The following KAT2B variants were observed in gnomAD, a reference collection of about 807,000 sequenced individuals.
KAT2B encodes the protein histone acetyltransferase KAT2B.
A neutral mutation model predicts 105.9 loss-of-function variants in KAT2B; 36 were observed. The ratio of observed to expected loss-of-function variants is 0.34; its 90% confidence interval spans 0.26 to 0.45. The LOEUF is 0.45. KAT2B is among the 20% of genes least tolerant of loss of function. The pLI, the probability that KAT2B is intolerant of heterozygous loss-of-function variation, is 1.00. For missense variants in KAT2B, 820 were observed against 1,021.6 expected, an observed-to-expected ratio of 0.80 and a Z score of 2.69; for synonymous variants, 397 against 377.9, an observed-to-expected ratio of 1.05 and a Z score of -0.59.
intron 2 of KAT2B, among the ~76,000 whole-genome samples, chr3:20,085,988 G>A (rs1236872980): frequency 6.6e-6 from 1 of 151,952 alleles, no homozygotes; most frequent in Non-Finnish European, 1.5e-5. Flanking sequence ...ATGCTGTTTT[G>A]AGCTGGGCAT....
chr3:20,150,130 G>A (rs1034171719), intron 17 of KAT2B, among the ~76,000 whole-genome samples: 9 of 152,320 alleles, frequency 5.9e-5, no homozygotes, highest in Middle Eastern at 3.4e-3. Context: ...TCTCACAAGG[G>A]GGGAAACTGA....
At chr3:20,114,368 A>G (rs1279491576) in intron 6 of KAT2B, among the ~76,000 whole-genome samples, 1 of 152,228 alleles carries the variant, frequency 6.6e-6, no homozygotes, top group Non-Finnish European at 1.5e-5. Flanking sequence ...AAGTGAGTTA[A>G]TATACATCAA....
At chr3:20,152,144 C>A (rs991398334) in intron 17 of KAT2B, among the ~76,000 whole-genome samples, 188 bp from the exon 18 acceptor site, 11 of 152,042 alleles carry the variant, frequency 7.2e-5, no homozygotes, top group Non-Finnish European at 5.9e-5. Flanking sequence ...TTTTAAAAAA[C>A]CCACAAAAGA....
intron 1 of KAT2B, among the ~76,000 whole-genome samples, chr3:20,047,727 C>T (rs555173803): frequency 8.8e-4 from 134 of 151,702 alleles, no homozygotes; most frequent in African/African-American, 3.1e-3. Flanking sequence ...ATTTGCCTGC[C>T]TCAGCCTCCT....
chr3:20,114,325 T>C (rs985094135), intron 6 of KAT2B, among the ~76,000 whole-genome samples: 1 of 152,202 alleles, frequency 6.6e-6, no homozygotes, highest in African/African-American at 2.4e-5. Flanking sequence ...GAAATGGGTA[T>C]GAATTTTATC....
chr3:20,128,478 G>A (rs1425179500), intron 11 of KAT2B, among the ~76,000 whole-genome samples: 1 of 151,366 alleles, frequency 6.6e-6, no homozygotes, highest in African/African-American at 2.4e-5. Context: ...GTGTTGGAGT[G>A]TCTTTTTGTT....
chr3:20,139,715 A>G (rs1375084899), intron 12 of KAT2B, among the ~76,000 whole-genome samples: 1 of 152,134 alleles, frequency 6.6e-6, no homozygotes, highest in Non-Finnish European at 1.5e-5. Flanking sequence ...CATTGAAACA[A>G]CCACACATTG....
At chr3:20,142,873 GTATC>G (rs1699717352) in intron 13 of KAT2B, among the ~76,000 whole-genome samples, 1 of 139,318 alleles carries the variant, frequency 7.2e-6, no homozygotes. Context: ...GCATAATTGG[GTATC>G]TATGTGCCTG....
intron 3 of KAT2B, among the ~76,000 whole-genome samples, chr3:20,096,325 C>G (rs1011060592): frequency 5.3e-5 from 8 of 152,142 alleles, no homozygotes. Context: ...CCATTCCCTA[C>G]TATAGACATA....
At chr3:20,067,613 A>G (rs1449944001) in intron 1 of KAT2B, among the ~76,000 whole-genome samples, 1 of 152,214 alleles carries the variant, frequency 6.6e-6, no homozygotes, top group Non-Finnish European at 1.5e-5. Flanking sequence ...GCAGAGTTTT[A>G]TAAGCAAGCC....
In KAT2B at chr3:20,126,003, C is replaced by A. The variant is rs778374040; in HGVS notation, c.1512C>A (p.Asn504Lys). 3 of 1,614,072 alleles carry A rather than the reference C, an allele frequency of 1.9e-6. No homozygotes were observed. In the African/African-American group the frequency reaches 4.0e-5, roughly 22 times the overall value. ...IEFHVVGNSL[N>K]QKPNKKILMW... ...TTCACGTGGTTGGCAATTCCCTCAA[C>A]CAGAAACCAAACAAGAAGATCCTGA... Residue 504 changes from asparagine (N) to lysine (K), a missense_variant, in exon 10 of 18, where the codon AAC becomes AAA. By Grantham distance (94) the Asn-to-Lys change is moderately conservative (BLOSUM62 0). Around this residue, in one of 6 missense-constraint regions of KAT2B, gnomAD observed 225 missense variants for 268.1 expected, o/e 0.84. Transcript: ENST00000263754.
intron 2 of KAT2B, among the ~76,000 whole-genome samples, chr3:20,091,021 G>A (rs1297016805): frequency 1.3e-5 from 2 of 152,082 alleles, no homozygotes; most frequent in Non-Finnish European, 2.9e-5. Context: ...TGAAGTGCTG[G>A]GATTATAGGC....
intron 17 of KAT2B, among the ~76,000 whole-genome samples, chr3:20,150,975 A>G (rs1042280514): frequency 1.3e-5 from 2 of 152,208 alleles, no homozygotes; most frequent in African/African-American, 4.8e-5. Flanking sequence ...GAAAAGTGAA[A>G]GGAATGTAAA....
At chr3:20,066,366 T>G (rs1174096298) in intron 1 of KAT2B, among the ~76,000 whole-genome samples, 1 of 152,174 alleles carries the variant, frequency 6.6e-6, no homozygotes, top group African/African-American at 2.4e-5. Flanking sequence ...TTTCCAAATA[T>G]GGCCCCATTT....
intron 2 of KAT2B, among the ~76,000 whole-genome samples, chr3:20,085,058 T>C (rs1003080595): frequency 3.9e-5 from 6 of 152,184 alleles, no homozygotes; most frequent in African/African-American, 1.4e-4. Context: ...GATTAAAAGT[T>C]TGTAAGACAG....
At chr3:20,065,786 C>A (rs1245356998) in intron 1 of KAT2B, among the ~76,000 whole-genome samples, 1 of 152,008 alleles carries the variant, frequency 6.6e-6, no homozygotes, top group South Asian at 2.1e-4. Context: ...AGAGTTAGGA[C>A]CACTTAGGGA....
chr3:20,114,900 A>G lies in KAT2B; in HGVS notation c.1062A>G (p.Glu354=). ...THFPKFLSML[E]EEVYSQNSPI... ...TGTCTAGATTTCTGTCCATGCTAGA[A>G]GAAGAAGTATATAGTCAAAACTCTC... The change falls in exon 7 of 18, where the codon GAA becomes GAG. Residue 354 remains glutamate, a synonymous_variant. Transcript: ENST00000263754. The G allele has an allele frequency of 6.2e-7, 1 of 1,605,262 alleles. No individual in the cohort carries two copies. The highest frequency in any genetic ancestry group is 8.5e-7 in the Non-Finnish European group (1 of 1,172,394).
At chr3:20,126,216 G>A (rs542043280) in intron 10 of KAT2B, 103 bp downstream of exon 10, 46 of 912,662 alleles carry the variant, frequency 5.0e-5, no homozygotes, top group Non-Finnish European at 7.3e-5. Flanking sequence ...GAATACTACT[G>A]CACCTGTCTT....
chr3:20,111,164 T>C (rs1699114295), intron 5 of KAT2B, among the ~76,000 whole-genome samples: 1 of 152,192 alleles, frequency 6.6e-6, no homozygotes, highest in Non-Finnish European at 1.5e-5. Context: ...TGCCAGTAAC[T>C]CCAGTTATAC....
Sources: allele counts gnomAD v4.1 joint callset (sites outside exome capture counted in the v4.1 genomes callset), GRCh38; gene constraint gnomAD v4.1.1; regional missense constraint gnomAD v4.1.1; transcripts MANE v1.5; gene names NCBI Gene and HGNC (gene_info 2026-07-23, HGNC 2026-07-21).